The following GALNT18 variants were observed in gnomAD, a reference collection of about 807,000 sequenced individuals.
GALNT18 encodes polypeptide N-acetylgalactosaminyltransferase 18.
A neutral mutation model predicts 69.5 loss-of-function variants in GALNT18; 44 were observed. The ratio of observed to expected loss-of-function variants is 0.63; its 90% CI spans 0.50 to 0.81. GALNT18 has a LOEUF of 0.81. GALNT18 is among the 40% of genes least tolerant of loss of function. The pLI is 0.00. For missense variants in GALNT18, 715 were observed against 810.0 expected (o/e 0.88, Z 1.42); for synonymous variants, 364 against 318.2 (o/e 1.14, Z -1.53).
chr11:11,382,509 A>T lies in GALNT18; in HGVS notation c.596-3245T>A, dbSNP rs1853944842. 6.6e-6 allele frequency among the ~76,000 whole-genome samples: 1 copy of T among 152,192 alleles called. No individual in the cohort carries two copies. On this transcript the variant is annotated intron_variant, in intron 3 of 10. Transcript: ENST00000227756. This position sits in a 1 kb window ranked among gnomAD's most constrained non-coding sequence, Gnocchi z 4.3. Reference sequence around the variant, plus strand: ...CTGTTCACATATAATATCTCTCAGAACTTCTTAGCTCCAAAGATTGTGTTT... The same window carrying T: ...CTGTTCACATATAATATCTCTCAGATCTTCTTAGCTCCAAAGATTGTGTTT...
chr11:11,277,104 G>A (rs1271757704), intron 10 of GALNT18, among the ~76,000 whole-genome samples: 18 of 152,146 alleles, frequency 1.2e-4, no homozygotes, highest in African/African-American at 4.3e-4. Context: ...AACTCTTTGT[G>A]CCTCTGGTAG....
chr11:11,569,409 T>G (rs7124824), intron 1 of GALNT18, among the ~76,000 whole-genome samples: 7,768 of 152,192 alleles, frequency 0.051, 409 homozygotes, highest in East Asian at 0.28. Flanking sequence ...TGGAGTGAGA[T>G]TCACACTTTT....
At position 11,593,844 on chromosome 11, in the gene GALNT18, T is replaced by C. The variant is rs140515413; in HGVS notation, c.235+27515A>G. Among the ~76,000 whole-genome samples the C allele has an allele frequency of 2.7e-3, 410 of 152,348 alleles. 3 individuals are homozygous for C. The highest frequency in any genetic ancestry group is 9.5e-3 in the African/African-American group (397 of 41,578). Reference sequence around the variant, plus strand: ...GCACTGTCAAGTTCCAAGATGACCCTTGGAACATAAAATTTTCATATGAGC... The same window carrying C: ...GCACTGTCAAGTTCCAAGATGACCCCTGGAACATAAAATTTTCATATGAGC... On this transcript the variant is annotated intron_variant, in intron 1 of 10. Coordinates refer to ENST00000227756, the MANE Select transcript of GALNT18 (RefSeq NM_198516.3).
rs889405107 is a variant in GALNT18, at chr11:11,600,067, G to T, written c.235+21292C>A. 2.6e-5 allele frequency among the ~76,000 whole-genome samples: 4 copies of T among 151,836 alleles called. No homozygotes were observed. Among genetic ancestry groups the T allele is most frequent in the Non-Finnish European group, 4.4e-5 (3 of 67,870 alleles). ...ATTCTATTCCCTCCTCCATATTTTT[G>T]TGCTTCCTGTTAATATATATTACAT... On this transcript the variant is annotated intron_variant, in intron 1 of 10. Coordinates refer to ENST00000227756, the MANE Select transcript of GALNT18 (RefSeq NM_198516.3). The surrounding 1 kb of genome is among the most constrained non-coding windows in gnomAD (Gnocchi z 4.8).
intron 10 of GALNT18, among the ~76,000 whole-genome samples, chr11:11,282,473 C>T (rs1447660345): frequency 1.3e-5 from 2 of 152,190 alleles, no homozygotes; most frequent in African/African-American, 4.8e-5. Context: ...GAGACTGAGG[C>T]CCAGAGAGGC....
chr11:11,532,537 G>T (rs566242523), intron 1 of GALNT18, among the ~76,000 whole-genome samples: 1 of 152,106 alleles, frequency 6.6e-6, no homozygotes, highest in Non-Finnish European at 1.5e-5. Context: ...TCATAAAACC[G>T]AACTGAAGCT....
At chr11:11,483,607 G>A (rs1856581618) in intron 1 of GALNT18, among the ~76,000 whole-genome samples, 1 of 152,204 alleles carries the variant, frequency 6.6e-6, no homozygotes, top group Non-Finnish European at 1.5e-5. Context: ...GCTTCTGGGA[G>A]CTAAGGCCTG....
chr11:11,290,114 T>A (rs1218401633), intron 10 of GALNT18, among the ~76,000 whole-genome samples: 1 of 152,070 alleles, frequency 6.6e-6, no homozygotes, highest in Non-Finnish European at 1.5e-5. Flanking sequence ...GCAGTACTCT[T>A]GTCGATTGAG....
rs930512645 is a variant in GALNT18, at chr11:11,587,184, G to A, written c.235+34175C>T. On this transcript the variant is annotated intron_variant, in intron 1 of 10. Transcript: ENST00000227756. This position sits in a 1 kb window ranked among gnomAD's most constrained non-coding sequence, Gnocchi z 4.4. ...AATTTGCTCTAGCACTATATGACTGGTTCTGATTGGACACTGCCAAATGCC... is the reference window on the plus strand; with the variant it reads ...AATTTGCTCTAGCACTATATGACTGATTCTGATTGGACACTGCCAAATGCC... 6.6e-6 allele frequency among the ~76,000 whole-genome samples: 1 copy of A among 152,136 alleles called. No homozygotes were observed. The highest frequency in any genetic ancestry group is 1.5e-5 in the Non-Finnish European group (1 of 68,024).
chr11:11,446,871 G>A (rs929967972), intron 2 of GALNT18, among the ~76,000 whole-genome samples: 1 of 152,148 alleles, frequency 6.6e-6, no homozygotes, highest in Admixed American at 6.5e-5. Context: ...CTTCTCCTGG[G>A]ATTCACCTTG....
intron 3 of GALNT18, among the ~76,000 whole-genome samples, chr11:11,408,563 G>A (rs1454158300): frequency 2.6e-5 from 4 of 152,024 alleles, no homozygotes; most frequent in African/African-American, 9.7e-5. Context: ...GGGGTCACCT[G>A]TTGTGACTCC....
Position 11,396,798 on chromosome 11 carries a change from G to A in GALNT18, c.596-17534C>T, listed in dbSNP as rs918965600. 2.0e-5 allele frequency among the ~76,000 whole-genome samples: 3 copies of A among 152,146 alleles called. No individual in the cohort carries two copies. Among genetic ancestry groups the A allele is most frequent in the Non-Finnish European group, 2.9e-5 (2 of 68,032 alleles). ...GAGAGAGAGGCTGTATTTCTGGCCC[G>A]CACTGCAGCATCAGTGGGGAGGAAA... On this transcript the variant is annotated intron_variant, in intron 3 of 10. Coordinates refer to ENST00000227756, the MANE Select transcript of GALNT18 (RefSeq NM_198516.3). The surrounding 1 kb of genome is among the most constrained non-coding windows in gnomAD (Gnocchi z 5.2).
rs1295704101 is a variant in GALNT18 at position 11,543,641 on chromosome 11, C to CCT, written c.235+77716_235+77717dup. 1.3e-5 allele frequency among the ~76,000 whole-genome samples: 2 copies of CCT among 152,202 alleles called. No individual in the cohort carries two copies. Among genetic ancestry groups the CCT allele is most frequent in the Non-Finnish European group, 2.9e-5 (2 of 68,042 alleles). Reference sequence around the variant, plus strand: ...GGCTTCAGTGCCCAGCACATCAGAGCCTCTGTTCCTCCCCTCGCCACCCAC... The same window carrying CCT: ...GGCTTCAGTGCCCAGCACATCAGAGCCTCTCTGTTCCTCCCCTCGCCACCCAC... On this transcript the variant is annotated intron_variant, in intron 1 of 10. Transcript: ENST00000227756. The surrounding 1 kb of genome is among the most constrained non-coding windows in gnomAD (Gnocchi z 5.1).
At chr11:11,492,795 A>C (rs894770890) in intron 1 of GALNT18, among the ~76,000 whole-genome samples, 1 of 152,150 alleles carries the variant, frequency 6.6e-6, no homozygotes, top group African/African-American at 2.4e-5. Context: ...TACCTAACGT[A>C]TCTGGGGCCT....
At chr11:11,287,186 C>T (rs1849210515) in intron 10 of GALNT18, among the ~76,000 whole-genome samples, 1 of 152,190 alleles carries the variant, frequency 6.6e-6, no homozygotes. Flanking sequence ...AGAACACTGA[C>T]CTTTCTGAGC....
At chr11:11,273,880 T>C (rs1208227684) in intron 10 of GALNT18, among the ~76,000 whole-genome samples, 1 of 152,056 alleles carries the variant, frequency 6.6e-6, no homozygotes, top group Non-Finnish European at 1.5e-5. Flanking sequence ...AATGAGACTC[T>C]GGTTTCACTG....
intron 3 of GALNT18, among the ~76,000 whole-genome samples, chr11:11,388,589 C>G (rs1168928032): frequency 1.3e-5 from 2 of 151,872 alleles, no homozygotes; most frequent in East Asian, 3.9e-4. Context: ...GGCTACCAGC[C>G]TGACGCCACT....
intron 2 of GALNT18, among the ~76,000 whole-genome samples, chr11:11,442,301 T>C (rs983703972): frequency 2.0e-5 from 3 of 152,154 alleles, no homozygotes. Context: ...GCCCAGCCAA[T>C]GAATCCAGGA....
chr11:11,610,530 T>C (rs1859868965), intron 1 of GALNT18, among the ~76,000 whole-genome samples: 2 of 152,226 alleles, frequency 1.3e-5, no homozygotes, highest in Non-Finnish European at 2.9e-5. Flanking sequence ...TTTTCTATAG[T>C]CCTTCCTCAC....
Sources: allele counts gnomAD v4.1 joint callset (sites outside exome capture counted in the v4.1 genomes callset), GRCh38; gene constraint gnomAD v4.1.1; non-coding constraint Gnocchi (gnomAD v3.1); transcripts MANE v1.5; gene names NCBI Gene and HGNC (gene_info 2026-07-23, HGNC 2026-07-21).